Variants in AFAP1 observed in about 807,000 individuals in gnomAD.
AFAP1 encodes actin filament associated protein 1.
In AFAP1, 75 loss-of-function variants were observed where a neutral mutation model predicts 93.9. The observed-to-expected ratio is 0.80, with a 90% confidence interval of 0.66 to 0.97. The LOEUF (loss-of-function observed/expected upper bound fraction) is 0.97. AFAP1 is among the 50% of genes least tolerant of loss of function. The pLI is 0.00. For missense variants in AFAP1, 1,201 were observed against 1,050.8 expected, an observed-to-expected ratio of 1.14 and a Z score of -1.98; for synonymous variants, 517 against 430.7, an observed-to-expected ratio of 1.20 and a Z score of -2.48.
At chr4:7,861,003 C>G (rs907989347) in intron 3 of AFAP1, among the ~76,000 whole-genome samples, 2 of 152,182 alleles carry the variant, frequency 1.3e-5, no homozygotes, top group African/African-American at 4.8e-5. Flanking sequence ...CCTGCCCCAT[C>G]TGTTGCTTAG....
chr4:7,763,481 T>C lies in AFAP1; in HGVS notation c.*284A>G. On this transcript the variant is annotated 3_prime_UTR_variant, in exon 18 of 18. Transcript: ENST00000420658. ...GCAATGGCCTATCTGGTTAGAAAGATGTCACTTCGCCTGATAGCATCCTTT... is the reference window on the plus strand; with the variant it reads ...GCAATGGCCTATCTGGTTAGAAAGACGTCACTTCGCCTGATAGCATCCTTT... 1 of 460,196 alleles carries C rather than the reference T, an allele frequency of 2.2e-6. No homozygotes were observed. Among genetic ancestry groups the C allele is most frequent in the Non-Finnish European group, 3.9e-6 (1 of 258,932 alleles). The allele number at this position is 460,196 out of a possible 1,614,324, so 28.5% of individuals were successfully genotyped here.
chr4:7,868,801 C>G lies in AFAP1; in HGVS notation c.128-82G>C, dbSNP rs1293279402. The G allele has an allele frequency of 1.7e-5, 21 of 1,224,538 alleles. No homozygotes were observed. In the Admixed American group the frequency reaches 2.6e-4, roughly 15 times the overall value. The allele number at this position is 1,224,538 out of a possible 1,614,324, so 75.9% of individuals were successfully genotyped here. Reference sequence around the variant, plus strand: ...CACTAGCATCTATCAGTTCCTGAACCCTGTGTTGAACACTTTGCAAATATT... The same window carrying G: ...CACTAGCATCTATCAGTTCCTGAACGCTGTGTTGAACACTTTGCAAATATT... On this transcript the variant is annotated intron_variant, in intron 2 of 17. Coordinates refer to ENST00000420658, the MANE Select transcript of AFAP1 (RefSeq NM_001134647.2).
intron 3 of AFAP1, 29 bp downstream of exon 3, chr4:7,868,593 A>T (rs1267441899): frequency 5.6e-6 from 9 of 1,597,724 alleles, no homozygotes; most frequent in African/African-American, 1.3e-5. Flanking sequence ...TCCAGCGATG[A>T]CCACTGAGAT....
At chr4:7,823,141 C>T (rs929585585) in intron 6 of AFAP1, among the ~76,000 whole-genome samples, 3 of 152,058 alleles carry the variant, frequency 2.0e-5, no homozygotes. Context: ...CACACATGCC[C>T]ACAGAGGCCT....
chr4:7,791,573 G>A (rs538894820), intron 11 of AFAP1, among the ~76,000 whole-genome samples: 6 of 152,128 alleles, frequency 3.9e-5, no homozygotes, highest in East Asian at 1.9e-4. Context: ...AAGTAGCATC[G>A]CGGGTCATGC....
intron 1 of AFAP1, among the ~76,000 whole-genome samples, chr4:7,894,920 G>A (rs1021766408): frequency 1.8e-4 from 27 of 152,230 alleles, no homozygotes; most frequent in African/African-American, 6.5e-4. Flanking sequence ...AAGGCCTGCT[G>A]TCTCTCTGCC....
chr4:7,923,565 G>A (rs752755606), intron 1 of AFAP1, among the ~76,000 whole-genome samples: 8 of 152,098 alleles, frequency 5.3e-5, no homozygotes, highest in Non-Finnish European at 5.9e-5. Flanking sequence ...TGCAACCTCC[G>A]ACTCCCTAGT....
At chr4:7,766,322 A>C (rs1433073772) in intron 17 of AFAP1, among the ~76,000 whole-genome samples, 2 of 152,176 alleles carry the variant, frequency 1.3e-5, no homozygotes, top group African/African-American at 4.8e-5. Flanking sequence ...TCGGCGCTCA[A>C]GGGCAGTCCT....
In AFAP1 at chr4:7,871,953, T is replaced by C; in HGVS notation, c.126A>G (p.Lys42=). 6.2e-7 allele frequency: 1 copy of C among 1,614,190 alleles called. No individual in the cohort carries two copies. Among genetic ancestry groups the C allele is most frequent in the Non-Finnish European group, 8.5e-7 (1 of 1,180,026 alleles). ...AGCAGGCGTCAGAATGAGACTCACC[T>C]TTGGATGACTGTATTCTTAGCAGAA... is the stretch of plus-strand genomic sequence containing the variant. ...TNILLRIQSS[K]GFDVKDHAQK... The change falls in exon 2 of 18, where the codon AAA becomes AAG. Residue 42 remains lysine (K), a splice_region_variant and synonymous_variant. Transcript: ENST00000420658.
chr4:7,881,095 C>A (rs1404294482), intron 1 of AFAP1, among the ~76,000 whole-genome samples: 1 of 152,256 alleles, frequency 6.6e-6, no homozygotes, highest in East Asian at 1.9e-4. Flanking sequence ...AATTTCTAAC[C>A]CGCTATAGAA....
chr4:7,832,261 G>T (rs1711718060), intron 6 of AFAP1, among the ~76,000 whole-genome samples: 1 of 151,994 alleles, frequency 6.6e-6, no homozygotes, highest in African/African-American at 2.4e-5. Flanking sequence ...TCATCTGGAG[G>T]GGAAAAAAGC....
intron 9 of AFAP1, among the ~76,000 whole-genome samples, chr4:7,801,982 A>T (rs916803220): frequency 6.8e-6 from 1 of 147,744 alleles, no homozygotes; most frequent in African/African-American, 2.5e-5. Context: ...GTTTTGGAGG[A>T]TGTTTCTTAC....
intron 3 of AFAP1, among the ~76,000 whole-genome samples, chr4:7,867,041 A>T (rs1207200850): frequency 1.3e-4 from 18 of 140,910 alleles, no homozygotes; most frequent in South Asian, 7.8e-4. Flanking sequence ...CCTGTGGAGG[A>T]AAGAGGAAAG....
intron 1 of AFAP1, among the ~76,000 whole-genome samples, chr4:7,883,603 T>C (rs1009594419): frequency 6.6e-6 from 1 of 152,174 alleles, no homozygotes; most frequent in Admixed American, 6.5e-5. Flanking sequence ...GCAGCTGATG[T>C]GAAAGTAAAC....
intron 16 of AFAP1, among the ~76,000 whole-genome samples, chr4:7,769,651 A>C (rs1276686393): frequency 6.6e-6 from 1 of 150,776 alleles, no homozygotes; most frequent in Non-Finnish European, 1.5e-5. Context: ...CTCTGGGGGG[A>C]AAAAAACGCC....
intron 4 of AFAP1, among the ~76,000 whole-genome samples, chr4:7,849,407 G>C (rs1031737569): frequency 6.6e-6 from 1 of 152,172 alleles, no homozygotes; most frequent in Admixed American, 6.5e-5. Context: ...AAGGAAAGGA[G>C]TGGAAAAAGC....
chr4:7,874,035 A>G (rs1717305474), intron 1 of AFAP1, among the ~76,000 whole-genome samples: 1 of 152,252 alleles, frequency 6.6e-6, no homozygotes, highest in Non-Finnish European at 1.5e-5. Flanking sequence ...TACTGAGATC[A>G]GCAGTGACAT....
chr4:7,810,435 A>G (rs1719908455), intron 8 of AFAP1, among the ~76,000 whole-genome samples: 1 of 152,228 alleles, frequency 6.6e-6, no homozygotes, highest in Non-Finnish European at 1.5e-5. Flanking sequence ...GGCTGAAAGC[A>G]GCCCCAAGTG....
chr4:7,800,303 G>T, intron 10 of AFAP1, 139 bp downstream of exon 10: 1 of 851,306 alleles, frequency 1.2e-6, no homozygotes. Flanking sequence ...TGGGCAGTGA[G>T]AGAAAAGAGG....
Sources: gnomAD v4.1 joint callset for allele counts (sites outside exome capture counted in the v4.1 genomes callset) on GRCh38, gnomAD v4.1.1 for gene constraint, MANE v1.5 for transcripts, NCBI Gene and HGNC (gene_info 2026-07-23, HGNC 2026-07-21) for gene names.